FARS2: variants seen among roughly 807,000 people sequenced by gnomAD.
FARS2 encodes the protein phenylalanyl-tRNA synthetase 2, mitochondrial, also known as phenylalanine--tRNA ligase, mitochondrial.
A neutral mutation model predicts 46.4 loss-of-function variants in FARS2; 40 were observed. That is an observed-to-expected ratio of 0.86 (90% CI 0.67 to 1.12). FARS2 has a LOEUF of 1.12. FARS2 is among the 50% of genes most tolerant of loss of function. The probability of loss-of-function intolerance (pLI) is 0.00; values close to 1 mark genes in which losing one functional copy is unlikely to be tolerated. For synonymous variants in FARS2, 234 were observed against 214.9 expected (o/e 1.09, Z -0.78); for missense variants, 513 against 567.9 (o/e 0.90, Z 0.98).
intron 6 of FARS2, among the ~76,000 whole-genome samples, chr6:5,684,625 G>A (rs1450078395): frequency 6.6e-6 from 1 of 152,154 alleles, no homozygotes; most frequent in Non-Finnish European, 1.5e-5. Context: ...TCCAAGCACT[G>A]CTTAGTGCTT....
At chr6:5,547,888 A>G (rs1336819615) in intron 5 of FARS2, among the ~76,000 whole-genome samples, 7 of 152,162 alleles carry the variant, frequency 4.6e-5, no homozygotes, top group African/African-American at 1.7e-4. Context: ...CTGGAGTTAT[A>G]CTTATTTATA....
chr6:5,488,843 T>G (rs116531111), intron 4 of FARS2, among the ~76,000 whole-genome samples: 2,361 of 152,246 alleles, frequency 0.016, 27 homozygotes, highest in Middle Eastern at 0.024. Context: ...GACACACACA[T>G]GTACATGCCT....
intron 4 of FARS2, among the ~76,000 whole-genome samples, chr6:5,524,365 G>A (rs1769334451): frequency 6.6e-6 from 1 of 152,186 alleles, no homozygotes; most frequent in South Asian, 2.1e-4. Flanking sequence ...TGGTTTCCTG[G>A]GCAGAGGAAG....
At chr6:5,465,620 A>T (rs1047176555) in intron 4 of FARS2, among the ~76,000 whole-genome samples, 1 of 151,946 alleles carries the variant, frequency 6.6e-6, no homozygotes, top group Non-Finnish European at 1.5e-5. Flanking sequence ...CTAATTCTCA[A>T]CCCAGTGTTA....
intron 4 of FARS2, among the ~76,000 whole-genome samples, chr6:5,507,196 G>A (rs892414088): frequency 1.3e-5 from 2 of 152,190 alleles, no homozygotes; most frequent in African/African-American, 4.8e-5. Context: ...CACATTTACA[G>A]TGTGGTTAAC....
intron 6 of FARS2, among the ~76,000 whole-genome samples, chr6:5,661,551 T>C (rs1777852608): frequency 6.6e-6 from 1 of 151,696 alleles, no homozygotes; most frequent in African/African-American, 2.4e-5. Context: ...AGAGCCAGGG[T>C]GTGTGAGTGC....
chr6:5,578,828 A>C (rs1411872200), intron 5 of FARS2, among the ~76,000 whole-genome samples: 4 of 56,622 alleles, frequency 7.1e-5, no homozygotes, highest in African/African-American at 1.5e-4. Context: ...AAAAAAAAAA[A>C]AAAAACAAAA....
At chr6:5,298,390 G>C (rs1030294648) in intron 1 of FARS2, among the ~76,000 whole-genome samples, 1 of 152,180 alleles carries the variant, frequency 6.6e-6, no homozygotes, top group African/African-American at 2.4e-5. Context: ...GGGGTGGGTG[G>C]CTTGTACAGT....
At chr6:5,476,209 G>A (rs1331955761) in intron 4 of FARS2, among the ~76,000 whole-genome samples, 3 of 152,180 alleles carry the variant, frequency 2.0e-5, no homozygotes, top group East Asian at 1.9e-4. Flanking sequence ...AGAGAACCAG[G>A]ATATGGATGG....
intron 6 of FARS2, among the ~76,000 whole-genome samples, chr6:5,708,593 AG>A (rs1758915006): frequency 6.6e-6 from 1 of 152,226 alleles, no homozygotes; most frequent in South Asian, 2.1e-4. Context: ...CACTCAAAGC[AG>A]GCTTCCTGCT....
intron 1 of FARS2, among the ~76,000 whole-genome samples, chr6:5,293,729 T>C (rs1039588303): frequency 2.6e-5 from 4 of 152,264 alleles, no homozygotes; most frequent in Non-Finnish European, 5.9e-5. Flanking sequence ...GTTTAAATTA[T>C]ATCCCTGTCA....
intron 1 of FARS2, among the ~76,000 whole-genome samples, chr6:5,267,280 T>A (rs1765615462): frequency 6.6e-6 from 1 of 152,132 alleles, no homozygotes; most frequent in Non-Finnish European, 1.5e-5. Flanking sequence ...CTGTTATAGA[T>A]CACTTTCATT....
rs562744867 is a variant in FARS2 at position 5,471,984 on chromosome 6, A to G, written c.904+40812A>G. Among the ~76,000 whole-genome samples the G allele has an allele frequency of 1.3e-5, 2 of 152,358 alleles. No homozygotes were observed. Among genetic ancestry groups the G allele is most frequent in the African/African-American group, 4.8e-5 (2 of 41,586 alleles). On this transcript the variant is annotated intron_variant, in intron 4 of 6. Transcript: ENST00000274680. The surrounding 1 kb of genome is among the most constrained non-coding windows in gnomAD (Gnocchi z 4.1). Reference sequence around the variant, plus strand: ...CAAGTGGAATTCAGAATAGTCCCCCAGCTCCTTATCCCACATGGAGTTTTA... The same window carrying G: ...CAAGTGGAATTCAGAATAGTCCCCCGGCTCCTTATCCCACATGGAGTTTTA...
intron 6 of FARS2, among the ~76,000 whole-genome samples, chr6:5,700,466 G>A (rs984437378): frequency 8.6e-5 from 13 of 151,958 alleles, no homozygotes; most frequent in African/African-American, 3.1e-4. Context: ...GAGTGCAATG[G>A]CACAGTCTCA....
chr6:5,256,255 C>T (rs1035531410), upstream of FARS2, among the ~76,000 whole-genome samples: 3 of 151,636 alleles, frequency 2.0e-5, no homozygotes, highest in East Asian at 1.9e-4. Context: ...TTTGGGAGGC[C>T]GAGGTGGGCG....
chr6:5,603,087 A>G (rs1293276416), intron 5 of FARS2, among the ~76,000 whole-genome samples: 2 of 151,738 alleles, frequency 1.3e-5, no homozygotes, highest in South Asian at 2.1e-4. Context: ...ACAAGGGGCC[A>G]CTCTGTTTTT....
At chr6:5,256,455 C>A (rs6909619), upstream of FARS2, among the ~76,000 whole-genome samples, 26,351 of 105,224 alleles carry the variant, frequency 0.25, 5,512 homozygotes, top group African/African-American at 0.5. Context: ...GCACCATTGC[C>A]CTCCAGCCTG....
chr6:5,725,760 AC>A (rs1760208443), intron 6 of FARS2, among the ~76,000 whole-genome samples: 1 of 152,062 alleles, frequency 6.6e-6, no homozygotes, highest in Non-Finnish European at 1.5e-5. Context: ...ACATGGCGAA[AC>A]CCCGTGTCTA....
At chr6:5,559,183 G>A (rs898759753) in intron 5 of FARS2, among the ~76,000 whole-genome samples, 5 of 152,092 alleles carry the variant, frequency 3.3e-5, no homozygotes, top group South Asian at 2.1e-4. Flanking sequence ...CGGGAAGATC[G>A]CTTGAGCCCA....
Sources: allele counts gnomAD v4.1 joint callset (sites outside exome capture counted in the v4.1 genomes callset), GRCh38; gene constraint gnomAD v4.1.1; non-coding constraint Gnocchi (gnomAD v3.1); transcripts MANE v1.5; gene names NCBI Gene and HGNC (gene_info 2026-07-23, HGNC 2026-07-21).